CLRN1: variants seen among roughly 807,000 people sequenced by gnomAD.
CLRN1 encodes the protein clarin-1.
CLRN1 carries 15 observed loss-of-function variants against 18.7 expected under a neutral mutation model. The ratio of observed to expected loss-of-function variants is 0.80; its 90% confidence interval spans 0.54 to 1.23. The LOEUF is 1.23. CLRN1 is among the 50% of genes most tolerant of loss of function. The probability of loss-of-function intolerance (pLI) is 0.00; values close to 1 mark genes in which losing one functional copy is unlikely to be tolerated. For synonymous variants in CLRN1, 104 were observed against 102.9 expected, an observed-to-expected ratio of 1.01 and a Z score of -0.07; for missense variants, 311 against 277.5, an observed-to-expected ratio of 1.12 and a Z score of -0.86.
chr3:150,951,343 A>ATC (rs1355914627), intron 1 of CLRN1, among the ~76,000 whole-genome samples: 2 of 151,118 alleles, frequency 1.3e-5, no homozygotes, highest in Non-Finnish European at 3.0e-5. Context: ...TGGGTAATAT[A>ATC]TATATATTTT....
chr3:150,959,801 G>A (rs993163058), intron 1 of CLRN1, among the ~76,000 whole-genome samples: 1 of 152,066 alleles, frequency 6.6e-6, no homozygotes, highest in Non-Finnish European at 1.5e-5. Context: ...ACTTCTATCT[G>A]CTGGGGTTTT....
At chr3:150,968,351 G>C (rs935402097) in intron 1 of CLRN1, among the ~76,000 whole-genome samples, 5 of 152,114 alleles carry the variant, frequency 3.3e-5, no homozygotes, top group African/African-American at 1.2e-4. Flanking sequence ...GAAAAATTAA[G>C]CCCACTAGTT....
chr3:150,928,423 G>A (rs1269327237), intron 2 of CLRN1, among the ~76,000 whole-genome samples: 1 of 152,196 alleles, frequency 6.6e-6, no homozygotes, highest in East Asian at 1.9e-4. Flanking sequence ...ATTTGTGTGT[G>A]CGTGTAGGAG....
At chr3:150,944,745 A>C (rs1714075167) in intron 1 of CLRN1, among the ~76,000 whole-genome samples, 1 of 151,604 alleles carries the variant, frequency 6.6e-6, no homozygotes, top group Admixed American at 6.6e-5. Flanking sequence ...ACAGAGTGAG[A>C]ATCCGTCTCA....
At chr3:150,960,034 T>C (rs1470093719) in intron 1 of CLRN1, among the ~76,000 whole-genome samples, 2 of 152,164 alleles carry the variant, frequency 1.3e-5, no homozygotes, top group Non-Finnish European at 2.9e-5. Context: ...AGGCATTAAC[T>C]GAGCGGCAGC....
chr3:150,957,689 C>A (rs1049451230), intron 1 of CLRN1, among the ~76,000 whole-genome samples: 1 of 152,122 alleles, frequency 6.6e-6, no homozygotes, highest in East Asian at 1.9e-4. Context: ...GACGGAGTCT[C>A]GCTCTGTCGC....
upstream of CLRN1, chr3:150,972,947 T>G: frequency 1.6e-6 from 1 of 643,090 alleles, no homozygotes; most frequent in Non-Finnish European, 2.8e-6. Context: ...TTGGAAATCT[T>G]TGGACTAAGA....
rs780643561 is a variant in CLRN1, at chr3:150,927,846, T to C, written c.*90A>G. 122 of 1,449,638 alleles carry C rather than the reference T, an allele frequency of 8.4e-5. 1 individual carries two copies. Among genetic ancestry groups the C allele is most frequent in the Non-Finnish European group, 1.1e-4 (111 of 1,033,748 alleles). 89.8% of individuals were successfully genotyped at this position (1,449,638 alleles called of 1,614,324 possible). A position where few individuals can be genotyped will look rare whatever the true frequency, so the allele number is the denominator to read the frequency against. On this transcript the variant is annotated 3_prime_UTR_variant, in exon 3 of 3. Coordinates refer to ENST00000327047, the MANE Select transcript of CLRN1 (RefSeq NM_174878.3). ...CGAAGGGTCCTGATGCTTTAATATA[T>C]GCAGACTAAAAGGATATGCAAAATT...
At chr3:150,950,318 T>C (rs540189154) in intron 1 of CLRN1, among the ~76,000 whole-genome samples, 2 of 152,334 alleles carry the variant, frequency 1.3e-5, no homozygotes, top group Admixed American at 1.3e-4. Context: ...AAATGGGATC[T>C]AATTAAACTT....
At chr3:150,943,847 A>C in intron 1 of CLRN1, 1 of 1,614,132 alleles carries the variant, frequency 6.2e-7, no homozygotes, top group Non-Finnish European at 8.5e-7. Flanking sequence ...GCCTGCATGG[A>C]GTTTACTCCT....
chr3:150,962,855 G>T (rs1457959059), intron 1 of CLRN1, among the ~76,000 whole-genome samples: 2 of 152,138 alleles, frequency 1.3e-5, no homozygotes, highest in Non-Finnish European at 1.5e-5. Context: ...GGCTTGACTT[G>T]GCTATTTTAC....
At chr3:150,942,940 C>A (rs1308836160) in intron 1 of CLRN1, among the ~76,000 whole-genome samples, 2 of 152,110 alleles carry the variant, frequency 1.3e-5, no homozygotes, top group Non-Finnish European at 2.9e-5. Context: ...CCAGGCTACT[C>A]TTCTGGAGAG....
In CLRN1 at chr3:150,972,538, A is replaced by G; in HGVS notation, c.171T>C (p.Phe57=). The change falls in exon 1 of 3, where the codon TTT becomes TTC. Residue 57 remains phenylalanine, a synonymous_variant. Transcript: ENST00000327047. ...AAAGCCCGTACTGCATTTCACCCAT[A>G]AACTTGTCCAGCTCCTGCCCTGAGG... ...VNASGQELDK[F]MGEMQYGLFH... 6.2e-7 allele frequency: 1 copy of G among 1,614,188 alleles called. No individual in the cohort carries two copies. Among genetic ancestry groups the G allele is most frequent in the Non-Finnish European group, 8.5e-7 (1 of 1,180,036 alleles).
intron 1 of CLRN1, among the ~76,000 whole-genome samples, chr3:150,951,758 A>G (rs1714494662): frequency 6.6e-6 from 1 of 152,152 alleles, no homozygotes; most frequent in African/African-American, 2.4e-5. Flanking sequence ...TGGAAGGCAA[A>G]GCGGGAGCCA....
At chr3:150,957,004 A>G (rs1160259494) in intron 1 of CLRN1, among the ~76,000 whole-genome samples, 1 of 144,270 alleles carries the variant, frequency 6.9e-6, no homozygotes, top group Non-Finnish European at 1.5e-5. Flanking sequence ...CTCCATTGCC[A>G]CCCATCTACA....
In CLRN1 at chr3:150,943,878, C is replaced by T. The variant is rs766844055; in HGVS notation, c.254-2117G>A. On this transcript the variant is annotated intron_variant, in intron 1 of 2. Transcript: ENST00000327047. The stretch of plus-strand genomic sequence containing the variant: ...CTCCTCACAGCACTAAAGCAGCCAG[C>T]TGGTTCCTGCACTCGTTCACTCGTG... 14 of 1,614,154 alleles carry T rather than the reference C, an allele frequency of 8.7e-6. No individual in the cohort carries two copies. In the South Asian group the frequency reaches 1.5e-4, roughly 18 times the overall value.
intron 2 of CLRN1, among the ~76,000 whole-genome samples, chr3:150,935,233 T>C (rs549661088): frequency 1.3e-4 from 19 of 151,726 alleles, no homozygotes; most frequent in Non-Finnish European, 2.8e-4. Flanking sequence ...CATGCTGGTG[T>C]GCTGCACCCA....
At chr3:150,956,171 C>T (rs968278287) in intron 1 of CLRN1, among the ~76,000 whole-genome samples, 9 of 152,140 alleles carry the variant, frequency 5.9e-5, no homozygotes, top group African/African-American at 1.9e-4. Flanking sequence ...TAAGCACACA[C>T]ATTTTTCTTT....
intron 1 of CLRN1, among the ~76,000 whole-genome samples, chr3:150,960,857 G>T (rs590596): frequency 6.6e-6 from 1 of 152,182 alleles, no homozygotes; most frequent in Non-Finnish European, 1.5e-5. Context: ...CTTCACCCAC[G>T]CAGTCACAGA....
Sources: gnomAD v4.1 joint callset for allele counts (sites outside exome capture counted in the v4.1 genomes callset) on GRCh38, gnomAD v4.1.1 for gene constraint, MANE v1.5 for transcripts, NCBI Gene and HGNC (gene_info 2026-07-23, HGNC 2026-07-21) for gene names.